FABP6: variants seen among roughly 807,000 people sequenced by gnomAD.
The protein encoded by FABP6 is fatty acid binding protein 6.
A neutral mutation model predicts 14.9 loss-of-function variants in FABP6; 13 were observed. The ratio of observed to expected loss-of-function variants is 0.87; its 90% CI spans 0.57 to 1.39. FABP6 has a LOEUF of 1.39. FABP6 is among the 40% of genes most tolerant of loss of function. FABP6 has a pLI of 0.00. For synonymous variants in FABP6, 75 were observed against 63.6 expected (o/e 1.18, Z -0.85); for missense variants, 161 against 167.2 (o/e 0.96, Z 0.20).
intron 1 of FABP6, among the ~76,000 whole-genome samples, chr5:160,189,411 T>C (rs76157066): frequency 0.04 from 6,027 of 152,144 alleles, 242 homozygotes; most frequent in East Asian, 0.19. Flanking sequence ...CCGGCTAATT[T>C]TGTGTATTTT....
upstream of FABP6, chr5:160,228,548 G>C: frequency 2.2e-6 from 1 of 456,250 alleles, no homozygotes; most frequent in East Asian, 7.0e-5. Flanking sequence ...GTGGTACTGA[G>C]AGACACAGCA....
chr5:160,228,960 A>G (rs1760308869), upstream of FABP6, among the ~76,000 whole-genome samples: 1 of 151,974 alleles, frequency 6.6e-6, no homozygotes, highest in South Asian at 2.1e-4. Context: ...CTCCTCCCCA[A>G]ACATGCACTA....
At chr5:160,219,189 T>G (rs1043919625) in intron 3 of FABP6, among the ~76,000 whole-genome samples, 1 of 152,164 alleles carries the variant, frequency 6.6e-6, no homozygotes, top group African/African-American at 2.4e-5. Flanking sequence ...TGTAAGGTCC[T>G]GGGGATGGAG....
rs187859455 is a variant in FABP6, at chr5:160,235,797, C to T, written c.333+888C>T. Among the ~76,000 whole-genome samples, 12 of 152,188 alleles carry T rather than the reference C, an allele frequency of 7.9e-5. No homozygotes were observed. In the East Asian group the frequency reaches 1.5e-3, roughly 20 times the overall value. ...CTTCTCTCTCTCTCTCTCTCATTCT[C>T]GCTTTCTTGTGCCCACATCTCAAGC... On this transcript the variant is annotated intron_variant, in intron 3 of 3. Coordinates refer to ENST00000402432, the MANE Select transcript of FABP6 (RefSeq NM_001445.3).
At chr5:160,219,198 A>G (rs992408825) in intron 3 of FABP6, among the ~76,000 whole-genome samples, 6 of 152,120 alleles carry the variant, frequency 3.9e-5, no homozygotes, top group African/African-American at 7.2e-5. Context: ...CTGGGGATGG[A>G]GAGAATAGGA....
At chr5:160,201,937 A>AT (rs1314568959) in intron 2 of FABP6, among the ~76,000 whole-genome samples, 4 of 151,902 alleles carry the variant, frequency 2.6e-5, no homozygotes, top group Non-Finnish European at 5.9e-5. Flanking sequence ...TAATTTTTGT[A>AT]TTTTTTTGTA....
intron 1 of FABP6, 47 bp downstream of exon 1, chr5:160,229,671 G>A (rs749682545): frequency 1.9e-6 from 3 of 1,571,736 alleles, no homozygotes; most frequent in Non-Finnish European, 1.8e-6. Flanking sequence ...GTTTGTCACA[G>A]CCAGCTCTGG....
At chr5:160,229,371 C>T (rs369234247), upstream of FABP6, 5 of 1,361,814 alleles carry the variant, frequency 3.7e-6, no homozygotes, top group African/African-American at 7.3e-5. Context: ...GGGCTCTGTC[C>T]CTCCAGGTCC....
upstream of FABP6, among the ~76,000 whole-genome samples, chr5:160,224,865 C>T (rs1760208370): frequency 6.6e-6 from 1 of 151,422 alleles, no homozygotes; most frequent in Non-Finnish European, 1.5e-5. Flanking sequence ...GCAGGCTTAG[C>T]CTCCCAGGCT....
At chr5:160,192,679 G>A (rs1434420946) in intron 1 of FABP6, among the ~76,000 whole-genome samples, 2 of 152,252 alleles carry the variant, frequency 1.3e-5, no homozygotes, top group Admixed American at 6.5e-5. Flanking sequence ...CCTGGCTGAG[G>A]AACTCACTGG....
At chr5:160,188,616 G>A (rs1435727654) in intron 1 of FABP6, among the ~76,000 whole-genome samples, 1 of 152,208 alleles carries the variant, frequency 6.6e-6, no homozygotes, top group Non-Finnish European at 1.5e-5. Flanking sequence ...AGGCCCGGAG[G>A]TGTCGCCCCT....
intron 2 of FABP6, among the ~76,000 whole-genome samples, chr5:160,200,778 A>G (rs1279369188): frequency 6.6e-6 from 1 of 152,144 alleles, no homozygotes; most frequent in Non-Finnish European, 1.5e-5. Flanking sequence ...TTCTCCTGCC[A>G]TGGGCATCTC....
chr5:160,201,848 C>T (rs1195484813), intron 2 of FABP6, among the ~76,000 whole-genome samples: 1 of 152,190 alleles, frequency 6.6e-6, no homozygotes, highest in East Asian at 1.9e-4. Context: ...CTGCAGCCTC[C>T]ACCTTCCAGG....
At chr5:160,204,583 G>A (rs76468411) in intron 2 of FABP6, 13,128 of 152,064 alleles carry the variant, frequency 0.086, 796 homozygotes, top group East Asian at 0.35. Flanking sequence ...TCTGCATCCC[G>A]GGTTCAAGCA....
At chr5:160,218,667 G>C (rs575104575) in intron 3 of FABP6, among the ~76,000 whole-genome samples, 24 of 151,702 alleles carry the variant, frequency 1.6e-4, no homozygotes, top group African/African-American at 5.6e-4. Flanking sequence ...CGCCATGTTG[G>C]TTAGGGTGGT....
rs551839404 is a variant in FABP6 at position 160,229,519 on chromosome 5, C to G, written c.-39C>G. 6.2e-7 allele frequency: 1 copy of G among 1,613,658 alleles called. No individual in the cohort carries two copies. Among genetic ancestry groups the G allele is most frequent in the Non-Finnish European group, 8.5e-7 (1 of 1,179,704 alleles). ...AGACCCCTCAGCACCACCCATTCTC[C>G]TCATCCCTCTGCTCTCTGGCCTCCA... On this transcript the variant is annotated 5_prime_UTR_variant, in exon 1 of 4. Coordinates refer to ENST00000402432, the MANE Select transcript of FABP6 (RefSeq NM_001445.3).
chr5:160,199,025 T>C (rs1310170736), intron 1 of FABP6: 11 of 1,436,314 alleles, frequency 7.7e-6, no homozygotes, highest in Non-Finnish European at 9.8e-6. Context: ...CCTCCCAGCG[T>C]GCTGGCTTTT....
intron 3 of FABP6, among the ~76,000 whole-genome samples, chr5:160,214,147 CTTT>C (rs1759962405): frequency 7.3e-6 from 1 of 137,636 alleles, no homozygotes; most frequent in East Asian, 2.1e-4. Context: ...TTCTTTCTTT[CTTT>C]CTTTCTTTCC....
chr5:160,201,763 A>G (rs533048995), intron 2 of FABP6, among the ~76,000 whole-genome samples: 1 of 150,940 alleles, frequency 6.6e-6, no homozygotes, highest in Admixed American at 6.6e-5. Context: ...TCATTCATTC[A>G]CTTATTTATT....
Sources: allele counts gnomAD v4.1 joint callset (sites outside exome capture counted in the v4.1 genomes callset), GRCh38; gene constraint gnomAD v4.1.1; transcripts MANE v1.5; gene names NCBI Gene and HGNC (gene_info 2026-07-23, HGNC 2026-07-21).